Variants in DSCAM observed in about 807,000 individuals in gnomAD.
DSCAM encodes the protein DS cell adhesion molecule.
Under a neutral mutation model 217.7 loss-of-function variants are expected in DSCAM, and 47 were observed. The observed-to-expected ratio is 0.22, with a 90% CI of 0.17 to 0.28. The LOEUF (loss-of-function observed/expected upper bound fraction) is 0.28, where lower values mean the gene tolerates loss of function less well. Among genes scored for constraint, DSCAM ranks in the 10% least tolerant of loss-of-function variants. The pLI is 1.00. For missense variants in DSCAM, 2,080 were observed against 2,618.3 expected (o/e 0.79, Z 4.49); for synonymous variants, 1,056 against 1,015.3 (o/e 1.04, Z -0.76).
At position 40,616,819 on chromosome 21, in the gene DSCAM, A is replaced by C. The variant is rs191614455; in HGVS notation, c.508+75991T>G. Among the ~76,000 whole-genome samples the C allele has an allele frequency of 5.8e-3, 879 of 151,980 alleles. 10 individuals are homozygous for C. Among genetic ancestry groups the C allele is most frequent in the African/African-American group, 0.019 (780 of 41,492 alleles). On this transcript the variant is annotated intron_variant, in intron 3 of 32. Transcript: ENST00000400454. Reference sequence around the variant, plus strand: ...GATCACGAGGTCAGGAGATCGAGACAATCCCGGCTAAAACGGTGAAACACC... The same window carrying C: ...GATCACGAGGTCAGGAGATCGAGACCATCCCGGCTAAAACGGTGAAACACC...
intron 3 of DSCAM, among the ~76,000 whole-genome samples, chr21:40,584,492 A>G (rs763218347): frequency 2.0e-5 from 3 of 152,188 alleles, no homozygotes; most frequent in African/African-American, 7.2e-5. Context: ...GAAGAATCGC[A>G]GAATGGAAGA....
intron 4 of DSCAM, among the ~76,000 whole-genome samples, chr21:40,368,554 C>T (rs1368460780): frequency 6.6e-6 from 1 of 152,190 alleles, no homozygotes; most frequent in African/African-American, 2.4e-5. Flanking sequence ...AAAGTGGGTG[C>T]TCAGGCAGTG....
chr21:40,784,497 G>A (rs1054635575), intron 1 of DSCAM, among the ~76,000 whole-genome samples: 12 of 152,094 alleles, frequency 7.9e-5, no homozygotes, highest in Non-Finnish European at 1.3e-4. Flanking sequence ...CTAATACAAC[G>A]TGCTTTGGAT....
chr21:40,715,917 T>C (rs1440093871), intron 1 of DSCAM, among the ~76,000 whole-genome samples: 1 of 152,210 alleles, frequency 6.6e-6, no homozygotes, highest in African/African-American at 2.4e-5. Flanking sequence ...TTGTTAAGAA[T>C]AGCAAGACTT....
intron 10 of DSCAM, among the ~76,000 whole-genome samples, chr21:40,287,594 C>T (rs1416171033): frequency 1.3e-5 from 2 of 152,110 alleles, no homozygotes; most frequent in Non-Finnish European, 2.9e-5. Context: ...TGCATGGAAA[C>T]GTTTAGTTAA....
At position 40,145,723 on chromosome 21, in the gene DSCAM, T is replaced by C. The variant is rs2090347480; in HGVS notation, c.3019-992A>G. On this transcript the variant is annotated intron_variant, in intron 16 of 32. Coordinates refer to ENST00000400454, the MANE Select transcript of DSCAM (RefSeq NM_001389.5). ...AGCCAGGCATGGTGGTGGGTGTCTG[T>C]AGTCCCAGCTACCTGGGAGGCTAAA... 2.0e-5 allele frequency among the ~76,000 whole-genome samples: 3 copies of C among 152,166 alleles called. No individual in the cohort carries two copies. The South Asian group carries it at 6.2e-4, about 32-fold the overall frequency.
intron 1 of DSCAM, among the ~76,000 whole-genome samples, chr21:40,766,385 G>A (rs965577002): frequency 6.6e-6 from 1 of 151,978 alleles, no homozygotes; most frequent in Non-Finnish European, 1.5e-5. Context: ...CAGGATAGCT[G>A]ATATATGACA....
At chr21:40,436,537 T>C (rs2075584198) in intron 3 of DSCAM, among the ~76,000 whole-genome samples, 1 of 152,156 alleles carries the variant, frequency 6.6e-6, no homozygotes, top group Non-Finnish European at 1.5e-5. Flanking sequence ...TTAAGATAGA[T>C]TCTTAACTCT....
intron 3 of DSCAM, among the ~76,000 whole-genome samples, chr21:40,532,468 T>C (rs929763206): frequency 6.6e-6 from 1 of 151,998 alleles, no homozygotes; most frequent in Admixed American, 6.6e-5. Flanking sequence ...AACACATAAA[T>C]AAGCAAGCAT....
At chr21:40,192,520 A>G (rs2090962587) in intron 11 of DSCAM, among the ~76,000 whole-genome samples, 1 of 152,172 alleles carries the variant, frequency 6.6e-6, no homozygotes, top group African/African-American at 2.4e-5. Context: ...AAGTTTCCTG[A>G]GGCTTCCCTA....
chr21:40,603,977 A>G (rs912859320), intron 3 of DSCAM, among the ~76,000 whole-genome samples: 1 of 107,782 alleles, frequency 9.3e-6, no homozygotes, highest in Non-Finnish European at 1.8e-5. Flanking sequence ...TTTAGTGTCT[A>G]TCATTAATTT....
intron 18 of DSCAM, among the ~76,000 whole-genome samples, chr21:40,138,901 GGT>G (rs2146704374): frequency 6.8e-6 from 1 of 147,034 alleles, no homozygotes; most frequent in African/African-American, 2.5e-5. Flanking sequence ...GTGTAAGTGT[GGT>G]GTGTGTGGTG....
intron 16 of DSCAM, among the ~76,000 whole-genome samples, chr21:40,147,614 A>G (rs921251820): frequency 2.0e-5 from 3 of 152,262 alleles, no homozygotes; most frequent in African/African-American, 4.8e-5. Flanking sequence ...AAAAGTAAAC[A>G]ACCACCATTT....
At position 40,739,249 on chromosome 21, in the gene DSCAM, G is replaced by T. The variant is rs537159658; in HGVS notation, c.44-30478C>A. Among the ~76,000 whole-genome samples, 832 of 152,274 alleles carry T rather than the reference G, an allele frequency of 5.5e-3. 2 individuals are homozygous for T. The highest frequency in any genetic ancestry group is 9.0e-3 in the Non-Finnish European group (611 of 68,026). ...AGGAGCACTGTCTGCAGCAATGCTG[G>T]GGGGAGGTGGGGGCCATGCCCTTGA... On this transcript the variant is annotated intron_variant, in intron 1 of 32. Coordinates refer to ENST00000400454, the MANE Select transcript of DSCAM (RefSeq NM_001389.5).
chr21:40,259,919 G>T (rs546943427), intron 11 of DSCAM, among the ~76,000 whole-genome samples: 158 of 151,902 alleles, frequency 1.0e-3, no homozygotes, highest in Non-Finnish European at 1.6e-3. Context: ...AGTAGAGACG[G>T]GATTTCACTG....
chr21:40,726,680 A>G (rs1355394188), intron 1 of DSCAM, among the ~76,000 whole-genome samples: 1 of 152,332 alleles, frequency 6.6e-6, no homozygotes, highest in Non-Finnish European at 1.5e-5. Context: ...AAGTGGACGC[A>G]GCACAATTTG....
chr21:40,559,474 A>G, intron 3 of DSCAM, among the ~76,000 whole-genome samples: 2 of 150,926 alleles, frequency 1.3e-5, no homozygotes, highest in Admixed American at 1.3e-4. Context: ...AAAAAAAAAA[A>G]AAGTACAAGT....
chr21:40,500,156 A>C (rs73362938), intron 3 of DSCAM, among the ~76,000 whole-genome samples: 1,675 of 152,334 alleles, frequency 0.011, 36 homozygotes, highest in African/African-American at 0.037. Context: ...GATTGCAGGA[A>C]AAAAGTCTCA....
At chr21:40,057,294 A>G (rs1018752782) in intron 28 of DSCAM, among the ~76,000 whole-genome samples, 1 of 152,216 alleles carries the variant, frequency 6.6e-6, no homozygotes, top group African/African-American at 2.4e-5. Context: ...TCATTCGTTG[A>G]TTTTGTTAAA....
Sources: gnomAD v4.1 joint callset for allele counts (sites outside exome capture counted in the v4.1 genomes callset) on GRCh38, gnomAD v4.1.1 for gene constraint, MANE v1.5 for transcripts, NCBI Gene and HGNC (gene_info 2026-07-23, HGNC 2026-07-21) for gene names.